The following TBC1D22A variants were observed in gnomAD, a reference collection of about 807,000 sequenced individuals.
TBC1D22A encodes TBC1 domain family member 22A, also known as putative GTPase activator.
In TBC1D22A, 38 loss-of-function variants were observed where a neutral mutation model predicts 60.2. The ratio of observed to expected loss-of-function variants is 0.63; its 90% CI spans 0.49 to 0.83. The LOEUF is 0.83. Ranked by LOEUF, TBC1D22A falls within the 40% of genes least tolerant of loss-of-function variation. The pLI, the probability that TBC1D22A is intolerant of heterozygous loss-of-function variation, is 0.00. For synonymous variants in TBC1D22A, 302 were observed against 281.7 expected (o/e 1.07, Z -0.72); for missense variants, 628 against 701.0 (o/e 0.90, Z 1.18).
chr22:47,074,127 A>G (rs2064112920), intron 11 of TBC1D22A, among the ~76,000 whole-genome samples: 2 of 152,218 alleles, frequency 1.3e-5, no homozygotes, highest in South Asian at 4.1e-4. Flanking sequence ...AAAACACCCC[A>G]CAAAGTATAT....
intron 12 of TBC1D22A, chr22:47,117,023 A>G: frequency 6.5e-6 from 1 of 153,890 alleles, no homozygotes; most frequent in Non-Finnish European, 1.4e-5. Flanking sequence ...ACCAGGGAAT[A>G]GAAGTGATAG....
intron 4 of TBC1D22A, among the ~76,000 whole-genome samples, chr22:46,810,873 G>T (rs189346250): frequency 2.6e-5 from 4 of 152,346 alleles, no homozygotes; most frequent in Admixed American, 2.6e-4. Flanking sequence ...TGGGAGATAG[G>T]AGACACCAAA....
chr22:46,763,207 C>A (rs1370196935), intron 1 of TBC1D22A: 1 of 257,446 alleles, frequency 3.9e-6, no homozygotes, highest in Non-Finnish European at 7.4e-6. Flanking sequence ...GGGCTGAGGC[C>A]CCCCGTCTGC....
chr22:47,025,943 A>T (rs1355502597), intron 10 of TBC1D22A, among the ~76,000 whole-genome samples: 1 of 152,236 alleles, frequency 6.6e-6, no homozygotes, highest in African/African-American at 2.4e-5. Context: ...GGAAACGTAT[A>T]GTGTTGTAGA....
At chr22:46,917,414 A>G (rs532395034) in intron 8 of TBC1D22A, among the ~76,000 whole-genome samples, 4 of 152,202 alleles carry the variant, frequency 2.6e-5, no homozygotes, top group African/African-American at 7.2e-5. Context: ...CTGGATGTCA[A>G]ATAGGCTGCT....
intron 12 of TBC1D22A, among the ~76,000 whole-genome samples, chr22:47,114,667 G>A (rs139028878): frequency 6.6e-5 from 10 of 152,274 alleles, no homozygotes; most frequent in African/African-American, 7.2e-5. Context: ...ACAGTGGAAC[G>A]TTGGTGGAAA....
At chr22:47,096,581 G>C (rs906501638) in intron 11 of TBC1D22A, among the ~76,000 whole-genome samples, 4 of 152,242 alleles carry the variant, frequency 2.6e-5, no homozygotes, top group African/African-American at 9.6e-5. Flanking sequence ...CAGCACTTTG[G>C]GGGGCCGAGG....
rs555885710 is a variant in TBC1D22A, at chr22:47,173,635, C to A, written c.*9C>A. The A allele has an allele frequency of 3.7e-6, 6 of 1,613,652 alleles. No individual in the cohort carries two copies. In the East Asian group the frequency reaches 1.3e-4, roughly 36 times the overall value. The stretch of plus-strand genomic sequence containing the variant: ...ATCACTACAAGAAATGAGCCCAGGC[C>A]CACCCGCAGCTGGCCTCACTGTCCC... On this transcript the variant is annotated 3_prime_UTR_variant, in exon 13 of 13. Coordinates refer to ENST00000337137, the MANE Select transcript of TBC1D22A (RefSeq NM_014346.5).
At chr22:47,051,833 G>A (rs140395642) in intron 11 of TBC1D22A, among the ~76,000 whole-genome samples, 3 of 152,210 alleles carry the variant, frequency 2.0e-5, no homozygotes, top group African/African-American at 7.2e-5. Context: ...TCTCTGCTTT[G>A]TATTCAGGGA....
chr22:46,996,504 G>A (rs1248496375), intron 9 of TBC1D22A, among the ~76,000 whole-genome samples: 1 of 152,274 alleles, frequency 6.6e-6, no homozygotes, highest in Non-Finnish European at 1.5e-5. Context: ...AGTTCCACCT[G>A]CAACCCTGGT....
rs544284402 is a variant in TBC1D22A, at chr22:46,948,871, C to T, written c.1016-25419C>T. Among the ~76,000 whole-genome samples the T allele has an allele frequency of 3.9e-4, 60 of 152,248 alleles. 1 individual carries two copies. The highest frequency in any genetic ancestry group is 1.3e-3 in the African/African-American group (56 of 41,542). ...GAAAATCAGAAAATCAGAAAATCAC[C>T]GGAGAGGCCCGTCACACACATTTAC... On this transcript the variant is annotated intron_variant, in intron 8 of 12. Transcript: ENST00000337137.
At chr22:46,803,254 GGCGGCT>G (rs1222056499) in intron 4 of TBC1D22A, among the ~76,000 whole-genome samples, 1 of 152,208 alleles carries the variant, frequency 6.6e-6, no homozygotes, top group Non-Finnish European at 1.5e-5. Flanking sequence ...AGGTTAAACA[GGCGGCT>G]GCCCTCCAGC....
At chr22:47,052,717 C>G (rs562810055) in intron 11 of TBC1D22A, among the ~76,000 whole-genome samples, 64 of 152,326 alleles carry the variant, frequency 4.2e-4, no homozygotes, top group African/African-American at 1.5e-3. Context: ...ACACACAGCA[C>G]TGCTCAGGCT....
At chr22:47,058,426 C>T (rs2063467065) in intron 11 of TBC1D22A, among the ~76,000 whole-genome samples, 1 of 152,158 alleles carries the variant, frequency 6.6e-6, no homozygotes, top group Non-Finnish European at 1.5e-5. Context: ...GAGTTCAGCC[C>T]TCAGCCCCAC....
rs904559432 is a variant in TBC1D22A at position 46,777,704 on chromosome 22, G to GC, written c.63-14814dup. The stretch of plus-strand genomic sequence containing the variant: ...GAGTCCTGAGGGGAAGCTGGGCAGG[G>GC]CCAGGATTGAGTGAGAAGCAGCAAG... On this transcript the variant is annotated intron_variant, in intron 1 of 12. Transcript: ENST00000337137. The surrounding 1 kb of genome is among the most constrained non-coding windows in gnomAD (Gnocchi z 4.5). 3.4e-4 allele frequency among the ~76,000 whole-genome samples: 51 copies of GC among 152,154 alleles called. No individual in the cohort carries two copies. The highest frequency in any genetic ancestry group is 3.3e-4 in the Admixed American group (5 of 15,272).
In TBC1D22A at chr22:47,150,793, C is replaced by T. The variant is rs144895038; in HGVS notation, c.1426-22705C>T. 2.4e-3 allele frequency among the ~76,000 whole-genome samples: 369 copies of T among 152,274 alleles called. 2 individuals carry two copies. The highest frequency in any genetic ancestry group is 8.5e-3 in the African/African-American group (353 of 41,570). On this transcript the variant is annotated intron_variant, in intron 12 of 12. Coordinates refer to ENST00000337137, the MANE Select transcript of TBC1D22A (RefSeq NM_014346.5). ...CCACTCCCACCCCCAGCATCGTCCC[C>T]TGCACCCACGGGGCTCCCGTGCGTG... is the stretch of plus-strand genomic sequence containing the variant.
chr22:46,913,297 T>C (rs1306030599), intron 8 of TBC1D22A: 1 of 1,355,150 alleles, frequency 7.4e-7, no homozygotes, highest in South Asian at 1.2e-5. Context: ...CCTTCTGGAC[T>C]TGGTGCTCGC....
At chr22:46,852,856 CGTCCTGGA>C (rs150160106) in intron 4 of TBC1D22A, among the ~76,000 whole-genome samples, 2,576 of 152,316 alleles carry the variant, frequency 0.017, 65 homozygotes, top group African/African-American at 0.059. Flanking sequence ...AGACCCTGCC[CGTCCTGGA>C]GTTCCATGTC....
intron 8 of TBC1D22A, among the ~76,000 whole-genome samples, chr22:46,930,229 T>C (rs5769266): frequency 0.77 from 117,586 of 152,102 alleles, 45,598 homozygotes; most frequent in Middle Eastern, 0.86. Flanking sequence ...GTGTTACCAA[T>C]ACACTGGTTT....
Sources: gnomAD v4.1 joint callset for allele counts (sites outside exome capture counted in the v4.1 genomes callset) on GRCh38, gnomAD v4.1.1 for gene constraint, Gnocchi (gnomAD v3.1) non-coding constraint, MANE v1.5 for transcripts, NCBI Gene and HGNC (gene_info 2026-07-23, HGNC 2026-07-21) for gene names.